CTNNA2: variants seen among roughly 807,000 people sequenced by gnomAD.
CTNNA2 encodes catenin alpha-2.
In CTNNA2, 42 loss-of-function variants were observed where a neutral mutation model predicts 101.0. The observed-to-expected ratio is 0.42, with a 90% CI of 0.32 to 0.54. The LOEUF is 0.54. CTNNA2 is among the 20% of genes least tolerant of loss of function. The probability of loss-of-function intolerance (pLI) is 0.14; values close to 1 mark genes in which losing one functional copy is unlikely to be tolerated. For missense variants in CTNNA2, 871 were observed against 1,223.1 expected (o/e 0.71, Z 4.29); for synonymous variants, 450 against 456.4 (o/e 0.99, Z 0.18).
At chr2:80,381,031 G>A (rs1676465340) in intron 7 of CTNNA2, among the ~76,000 whole-genome samples, 1 of 152,038 alleles carries the variant, frequency 6.6e-6, no homozygotes, top group Non-Finnish European at 1.5e-5. Context: ...GGTTCCAAGT[G>A]TGAGGGAATG....
intron 1 of CTNNA2, among the ~76,000 whole-genome samples, chr2:79,190,330 T>G (rs189878257): frequency 2.0e-5 from 3 of 152,094 alleles, no homozygotes; most frequent in Non-Finnish European, 1.5e-5. Context: ...CTTAGTTCCC[T>G]GTAGTTTCCT....
intron 3 of CTNNA2, among the ~76,000 whole-genome samples, chr2:79,749,946 C>G (rs1361139216): frequency 1.3e-5 from 2 of 152,170 alleles, no homozygotes; most frequent in African/African-American, 4.8e-5. Flanking sequence ...CCGGCCTTTC[C>G]AAGCAGGATG....
At chr2:79,756,677 A>T (rs1350060760) in intron 3 of CTNNA2, among the ~76,000 whole-genome samples, 1 of 152,228 alleles carries the variant, frequency 6.6e-6, no homozygotes, top group African/African-American at 2.4e-5. Context: ...TACATATTTG[A>T]TGAAAGACTT....
chr2:79,538,163 A>G (rs1157855991), intron 1 of CTNNA2, among the ~76,000 whole-genome samples: 1 of 152,186 alleles, frequency 6.6e-6, no homozygotes, highest in African/African-American at 2.4e-5. Context: ...TTCAAACTCT[A>G]TAACCTATTA....
chr2:80,003,959 C>T (rs1281717685), intron 7 of CTNNA2, among the ~76,000 whole-genome samples: 2 of 152,062 alleles, frequency 1.3e-5, no homozygotes, highest in East Asian at 3.9e-4. Flanking sequence ...CTGTCATCTC[C>T]CAGAATCCAA....
chr2:79,795,704 A>G (rs1675643800), intron 3 of CTNNA2, among the ~76,000 whole-genome samples: 1 of 152,226 alleles, frequency 6.6e-6, no homozygotes, highest in Non-Finnish European at 1.5e-5. Flanking sequence ...TTAAGAGTAC[A>G]GTACTGATGT....
chr2:80,315,963 C>T lies in CTNNA2; in HGVS notation c.1057-77248C>T, dbSNP rs1423788658. Among the ~76,000 whole-genome samples the T allele has an allele frequency of 3.3e-5, 5 of 152,150 alleles. No individual in the cohort carries two copies. In the East Asian group the frequency reaches 5.8e-4, roughly 18 times the overall value. On this transcript the variant is annotated intron_variant, in intron 7 of 18. Coordinates refer to ENST00000402739, the MANE Select transcript of CTNNA2 (RefSeq NM_001282597.3). ...CCACCCAAGACCCACTGTAACAAAT[C>T]GGAATCTACATTTTTCCAAGATCTC... is the stretch of plus-strand genomic sequence containing the variant.
At chr2:79,323,433 T>A (rs969886519) in intron 3 of CTNNA2, among the ~76,000 whole-genome samples, 26 of 152,052 alleles carry the variant, frequency 1.7e-4, no homozygotes, top group African/African-American at 5.3e-4. Context: ...TAAGAGCTTA[T>A]AACAGTAAGT....
At chr2:80,509,495 A>G (rs975435595) in intron 9 of CTNNA2, among the ~76,000 whole-genome samples, 3 of 152,120 alleles carry the variant, frequency 2.0e-5, no homozygotes, top group African/African-American at 7.2e-5. Flanking sequence ...CTGTAGGGTT[A>G]TCTAACATAT....
intron 7 of CTNNA2, among the ~76,000 whole-genome samples, chr2:80,318,688 T>C (rs1411441281): frequency 6.6e-6 from 1 of 152,202 alleles, no homozygotes; most frequent in Middle Eastern, 3.2e-3. Flanking sequence ...AACTGAAATG[T>C]AACATTGTCC....
intron 1 of CTNNA2, among the ~76,000 whole-genome samples, chr2:79,560,923 T>A (rs978331422): frequency 6.6e-6 from 1 of 151,966 alleles, no homozygotes; most frequent in Non-Finnish European, 1.5e-5. Flanking sequence ...TACTTTTACA[T>A]TTTAATTGAA....
chr2:79,867,392 A>G (rs28666725), intron 4 of CTNNA2, among the ~76,000 whole-genome samples: 5 of 152,008 alleles, frequency 3.3e-5, no homozygotes, highest in South Asian at 2.1e-4. Context: ...CTATCTGTCT[A>G]TCTATCCTAT....
At chr2:80,278,993 A>G (rs1161273146) in intron 7 of CTNNA2, among the ~76,000 whole-genome samples, 1 of 147,926 alleles carries the variant, frequency 6.8e-6, no homozygotes, top group Non-Finnish European at 1.5e-5. Context: ...TGGAGAATGG[A>G]TTATTCTATT....
intron 7 of CTNNA2, among the ~76,000 whole-genome samples, chr2:80,136,184 C>A (rs747419951): frequency 4.6e-5 from 7 of 152,078 alleles, no homozygotes; most frequent in Non-Finnish European, 8.8e-5. Flanking sequence ...AATGACTGTT[C>A]TTGATGCATA....
chr2:79,279,812 T>C (rs1001581248), intron 2 of CTNNA2, among the ~76,000 whole-genome samples: 1 of 152,058 alleles, frequency 6.6e-6, no homozygotes, highest in Non-Finnish European at 1.5e-5. Flanking sequence ...AATAGAACCT[T>C]TCCATTAGTC....
intron 2 of CTNNA2, among the ~76,000 whole-genome samples, chr2:79,262,815 T>G (rs1674940604): frequency 6.6e-6 from 1 of 152,130 alleles, no homozygotes; most frequent in Admixed American, 6.5e-5. Context: ...GCAGGTAAAT[T>G]TAATTTAAAC....
chr2:80,621,405 T>A (rs1410629324), intron 18 of CTNNA2, among the ~76,000 whole-genome samples: 1 of 151,962 alleles, frequency 6.6e-6, no homozygotes, highest in Non-Finnish European at 1.5e-5. Flanking sequence ...TGCTATTTGG[T>A]TAATAATAGA....
intron 7 of CTNNA2, among the ~76,000 whole-genome samples, chr2:80,205,005 T>G (rs772578934): frequency 6.6e-6 from 1 of 152,078 alleles, no homozygotes; most frequent in Non-Finnish European, 1.5e-5. Context: ...AAATTCACTC[T>G]GACAAGAACA....
chr2:80,631,871 G>A (rs191574867), intron 18 of CTNNA2, among the ~76,000 whole-genome samples: 1 of 152,000 alleles, frequency 6.6e-6, no homozygotes, highest in South Asian at 2.1e-4. Flanking sequence ...CTAAAGTGAT[G>A]TAGTACTTTT....
Sources: gnomAD v4.1 joint callset for allele counts (sites outside exome capture counted in the v4.1 genomes callset) on GRCh38, gnomAD v4.1.1 for gene constraint, MANE v1.5 for transcripts, NCBI Gene and HGNC (gene_info 2026-07-23, HGNC 2026-07-21) for gene names.